ADAMTSL1: variants seen among roughly 807,000 people sequenced by gnomAD.
ADAMTSL1 encodes the protein ADAMTS like 1.
ADAMTSL1 carries 126 observed loss-of-function variants against 201.8 expected under a neutral mutation model. The ratio of observed to expected loss-of-function variants is 0.62; its 90% CI spans 0.54 to 0.72. The LOEUF (loss-of-function observed/expected upper bound fraction) is 0.72. Among genes scored for constraint, ADAMTSL1 ranks in the 30% least tolerant of loss-of-function variants. ADAMTSL1 has a pLI of 0.00. For synonymous variants in ADAMTSL1, 1,121 were observed against 903.4 expected, an observed-to-expected ratio of 1.24 and a Z score of -4.32; for missense variants, 2,679 against 2,277.8, an observed-to-expected ratio of 1.18 and a Z score of -3.59.
At chr9:18,196,588 A>T (rs1829193127) in intron 2 of ADAMTSL1, among the ~76,000 whole-genome samples, 1 of 152,076 alleles carries the variant, frequency 6.6e-6, no homozygotes, top group Non-Finnish European at 1.5e-5. Flanking sequence ...TAGTCTCAGT[A>T]GATGAGGATG....
intron 1 of ADAMTSL1, among the ~76,000 whole-genome samples, chr9:18,036,466 A>G (rs1053937815): frequency 2.0e-5 from 3 of 152,216 alleles, no homozygotes; most frequent in African/African-American, 7.2e-5. Flanking sequence ...AAGTAACTCT[A>G]GGTATAATAT....
chr9:18,853,429 T>A (rs985493533), intron 23 of ADAMTSL1, among the ~76,000 whole-genome samples: 2 of 152,102 alleles, frequency 1.3e-5, no homozygotes, highest in Non-Finnish European at 2.9e-5. Flanking sequence ...CCTAGGGTTG[T>A]GGGAAATGGT....
At chr9:18,034,850 A>G (rs939734782) in intron 1 of ADAMTSL1, among the ~76,000 whole-genome samples, 1 of 152,232 alleles carries the variant, frequency 6.6e-6, no homozygotes, top group Non-Finnish European at 1.5e-5. Context: ...GAAAAGTTGT[A>G]TTCGTCTCTG....
At chr9:18,519,654 C>T (rs114914613) in intron 2 of ADAMTSL1, among the ~76,000 whole-genome samples, 2,015 of 152,296 alleles carry the variant, frequency 0.013, 37 homozygotes, top group African/African-American at 0.045. Flanking sequence ...TTCACAGTGC[C>T]TTGCTTAGTA....
At chr9:17,951,953 A>G (rs1368055135) in intron 1 of ADAMTSL1, among the ~76,000 whole-genome samples, 1 of 151,894 alleles carries the variant, frequency 6.6e-6, no homozygotes, top group East Asian at 1.9e-4. Flanking sequence ...GGCATGCACC[A>G]TCTTGCCCGG....
At chr9:18,344,318 A>C (rs974152788) in intron 2 of ADAMTSL1, among the ~76,000 whole-genome samples, 3 of 151,896 alleles carry the variant, frequency 2.0e-5, no homozygotes, top group African/African-American at 7.3e-5. Flanking sequence ...AATTTTTTTT[A>C]ATTAACAAAA....
At chr9:18,598,418 C>T (rs561597118) in intron 4 of ADAMTSL1, among the ~76,000 whole-genome samples, 4 of 151,956 alleles carry the variant, frequency 2.6e-5, no homozygotes, top group African/African-American at 4.8e-5. Context: ...TTTTAAGAAC[C>T]TTTAAACAAA....
At chr9:18,773,122 G>C (rs1472203009) in intron 17 of ADAMTSL1, among the ~76,000 whole-genome samples, 1 of 152,166 alleles carries the variant, frequency 6.6e-6, no homozygotes, top group African/African-American at 2.4e-5. Context: ...CCATGAGACT[G>C]CCCTTGGAGA....
chr9:18,676,057 G>C, intron 10 of ADAMTSL1, 150 bp downstream of exon 10: 1 of 758,116 alleles, frequency 1.3e-6, no homozygotes, highest in Non-Finnish European at 2.2e-6. Context: ...CCTGAGTTCT[G>C]CTTTTGAATA....
chr9:18,590,131 G>A (rs924514848), intron 4 of ADAMTSL1, among the ~76,000 whole-genome samples: 1 of 151,888 alleles, frequency 6.6e-6, no homozygotes, highest in Non-Finnish European at 1.5e-5. Context: ...TAAATGTTTG[G>A]TAGAATTCAG....
chr9:18,302,960 G>A (rs1833762699), intron 2 of ADAMTSL1, among the ~76,000 whole-genome samples: 1 of 152,164 alleles, frequency 6.6e-6, no homozygotes, highest in Admixed American at 6.5e-5. Flanking sequence ...TATCTGAAAA[G>A]CATTTCCAGA....
chr9:18,621,599 C>G (rs956576061), intron 4 of ADAMTSL1, among the ~76,000 whole-genome samples: 3 of 142,422 alleles, frequency 2.1e-5, no homozygotes, highest in East Asian at 2.1e-4. Context: ...CACACACACA[C>G]AGTAAGTTTG....
chr9:18,483,419 C>A (rs1222530129), intron 1 of ADAMTSL1, among the ~76,000 whole-genome samples: 1 of 152,038 alleles, frequency 6.6e-6, no homozygotes, highest in African/African-American at 2.4e-5. Flanking sequence ...CCTTTAGGAC[C>A]TTTAAATAAC....
chr9:18,307,609 T>G (rs1443434170), intron 2 of ADAMTSL1, among the ~76,000 whole-genome samples: 2 of 152,122 alleles, frequency 1.3e-5, no homozygotes, highest in African/African-American at 4.8e-5. Context: ...AGGCATTACA[T>G]AATGGTAAAG....
At chr9:18,818,783 C>A (rs1041898554) in intron 21 of ADAMTSL1, among the ~76,000 whole-genome samples, 1 of 151,704 alleles carries the variant, frequency 6.6e-6, no homozygotes, top group Non-Finnish European at 1.5e-5. Flanking sequence ...GAGCGAGACC[C>A]TATCTCAAAA....
intron 2 of ADAMTSL1, among the ~76,000 whole-genome samples, chr9:18,344,883 G>T (rs1032501873): frequency 6.6e-6 from 1 of 152,126 alleles, no homozygotes; most frequent in Non-Finnish European, 1.5e-5. Context: ...CCCAGCAGGG[G>T]ACCTTGGAAG....
rs57372087 is a variant in ADAMTSL1 at position 18,291,704 on chromosome 9, CTCTCTCTCTCTT to C, written c.207+127735_207+127746del. Among the ~76,000 whole-genome samples, 774 of 140,358 alleles carry C rather than the reference CTCTCTCTCTCTT, an allele frequency of 5.5e-3. 4 individuals carry two copies. The highest frequency in any genetic ancestry group is 0.018 in the African/African-American group (639 of 34,858). The allele number at this position is 140,358 out of a possible 152,430, so 92.1% of individuals were successfully genotyped here. On this transcript the variant is annotated intron_variant, in intron 2 of 29. Coordinates refer to the ADAMTSL1 transcript ENST00000680146. ...TCTCTCGGGTGCGCACATGCTCTCT[CTCTCTCTCTCTT>C]TCTCTCTCTCTCTCTCTCTCTCTCT...
At chr9:18,474,045 A>G (rs371444541), upstream of ADAMTSL1, 28 of 542,074 alleles carry the variant, frequency 5.2e-5, no homozygotes, top group Middle Eastern at 4.7e-4. Context: ...CTGCTCCGAG[A>G]GAGATTCCAT....
chr9:18,690,514 T>A (rs1296967266), intron 13 of ADAMTSL1, among the ~76,000 whole-genome samples: 1 of 152,204 alleles, frequency 6.6e-6, no homozygotes, highest in Non-Finnish European at 1.5e-5. Flanking sequence ...AAAGTAACAA[T>A]GAATATCTTG....
Sources: allele counts gnomAD v4.1 joint callset (sites outside exome capture counted in the v4.1 genomes callset), GRCh38; gene constraint gnomAD v4.1.1; transcripts MANE v1.5; gene names NCBI Gene and HGNC (gene_info 2026-07-23, HGNC 2026-07-21).